The following ATP6V0A1 variants were observed in gnomAD, a reference collection of about 807,000 sequenced individuals.
ATP6V0A1 encodes the protein V-type proton ATPase 116 kDa subunit a 1.
A neutral mutation model predicts 105.4 loss-of-function variants in ATP6V0A1; 43 were observed. That is an observed-to-expected ratio of 0.41 (90% CI 0.32 to 0.53). The LOEUF is 0.53. ATP6V0A1 is among the 20% of genes least tolerant of loss of function. ATP6V0A1 has a pLI of 0.30. For missense variants in ATP6V0A1, 676 were observed against 1,051.1 expected, an observed-to-expected ratio of 0.64 and a Z score of 4.93; for synonymous variants, 362 against 372.8, an observed-to-expected ratio of 0.97 and a Z score of 0.33.
At position 42,495,129 on chromosome 17, in the gene ATP6V0A1, G is replaced by C; in HGVS notation, c.1410G>C (p.Lys470Asn). The stretch of plus-strand genomic sequence containing the variant: ...TCATCTACAATGATTGCTTTTCCAA[G>C]TCTCTTAATATCTTTGGGTCATCCT... ...TGLIYNDCFS[K>N]SLNIFGSSWS... The change falls in exon 13 of 22, where the codon AAG becomes AAC. Residue 470 changes from lysine (K) to asparagine (N), a missense_variant. Around this residue, in one of 3 missense-constraint regions of ATP6V0A1, gnomAD observed 435 missense variants for 642.2 expected, o/e 0.68. Transcript: ENST00000343619. 1 of 1,614,084 alleles carries C rather than the reference G, an allele frequency of 6.2e-7. No individual in the cohort carries two copies.
In ATP6V0A1 at chr17:42,494,456, CAGA is replaced by C. The variant is rs2090967660; in HGVS notation, c.1302_1304del (p.Lys434del). ...ACTGAGGGAGAGCCGGATCCTTTCC[CAGA>C]AGAATGAGAATGAGGTAATGTTTAA... is the stretch of plus-strand genomic sequence containing the variant. On this transcript the variant is annotated inframe_deletion, in exon 12 of 22. Coordinates refer to ENST00000343619, the MANE Select transcript of ATP6V0A1 (RefSeq NM_001130021.3). 1 of 1,612,592 alleles carries C rather than the reference CAGA, an allele frequency of 6.2e-7. No homozygotes were observed. Among genetic ancestry groups the C allele is most frequent in the African/African-American group, 1.3e-5 (1 of 74,844 alleles).
rs903937050 is a variant in ATP6V0A1 at position 42,494,617 on chromosome 17, G to A, written c.1314+144G>A. ...TTATGTTCATTTTAACACCAAAGAC[G>A]ACATGTGCAAGCTGGAAGTGGTAGT... On this transcript the variant is annotated intron_variant, in intron 12 of 21. Transcript: ENST00000343619. 5.1e-5 allele frequency: 52 copies of A among 1,023,042 alleles called. No individual in the cohort carries two copies. The East Asian group carries it at 6.4e-4, about 13-fold the overall frequency. 63.4% of individuals were successfully genotyped at this position (1,023,042 alleles called of 1,614,324 possible). A position where few individuals can be genotyped will look rare whatever the true frequency, so the allele number is the denominator to read the frequency against.
At chr17:42,482,351 T>TG (rs1397019546) in intron 8 of ATP6V0A1, among the ~76,000 whole-genome samples, 1 of 151,972 alleles carries the variant, frequency 6.6e-6, no homozygotes, top group Non-Finnish European at 1.5e-5. Flanking sequence ...TTCACCATGT[T>TG]GCTCAGGCTG....
intron 10 of ATP6V0A1, among the ~76,000 whole-genome samples, chr17:42,489,030 G>T (rs1207984956): frequency 6.8e-6 from 1 of 147,244 alleles, no homozygotes; most frequent in African/African-American, 2.5e-5. Flanking sequence ...AAAAAAAAAA[G>T]TGGGTCACCA....
intron 2 of ATP6V0A1, among the ~76,000 whole-genome samples, chr17:42,462,264 A>G (rs2086509105): frequency 6.6e-6 from 1 of 151,648 alleles, no homozygotes; most frequent in Non-Finnish European, 1.5e-5. Flanking sequence ...ATGACCACCT[A>G]TGTTTCTACT....
chr17:42,481,344 T>G (rs573028494), intron 8 of ATP6V0A1: 1 of 152,030 alleles, frequency 6.6e-6, no homozygotes, highest in Non-Finnish European at 1.5e-5. Context: ...GCCACCCGAG[T>G]AGTTGGGATT....
chr17:42,500,529 C>T (rs1010053668), intron 15 of ATP6V0A1, among the ~76,000 whole-genome samples, 178 bp from the exon 16 acceptor site: 1 of 152,102 alleles, frequency 6.6e-6, no homozygotes, highest in African/African-American at 2.4e-5. Context: ...AAAAGTTTGA[C>T]CGTGATAGTT....
At chr17:42,470,520 G>A (rs77942990) in intron 5 of ATP6V0A1, 8,170 of 249,818 alleles carry the variant, frequency 0.033, 186 homozygotes, top group Middle Eastern at 0.058. Context: ...TACTTATAAG[G>A]TAAGTATATG....
At chr17:42,462,253 A>C (rs982310783) in intron 2 of ATP6V0A1, among the ~76,000 whole-genome samples, 1 of 151,770 alleles carries the variant, frequency 6.6e-6, no homozygotes, top group Non-Finnish European at 1.5e-5. Flanking sequence ...GGAGTATTAT[A>C]ATGACCACCT....
chr17:42,480,816 A>G (rs150928934), intron 8 of ATP6V0A1, 67 bp downstream of exon 8: 6 of 1,424,028 alleles, frequency 4.2e-6, no homozygotes, highest in Non-Finnish European at 5.8e-6. Context: ...CTTAAAGTTC[A>G]CAATAGTGAA....
chr17:42,481,033 T>C, intron 8 of ATP6V0A1: 1 of 222,532 alleles, frequency 4.5e-6, no homozygotes, highest in East Asian at 1.2e-4. Flanking sequence ...GGGATTCTCC[T>C]GCCTCAGCCT....
At chr17:42,499,323 C>T (rs1201134026) in intron 15 of ATP6V0A1, among the ~76,000 whole-genome samples, 1 of 151,430 alleles carries the variant, frequency 6.6e-6, no homozygotes, top group African/African-American at 2.4e-5. Context: ...ATACAAAAAT[C>T]AGCCAGGTGT....
chr17:42,495,797 A>C, intron 14 of ATP6V0A1, 81 bp downstream of exon 14: 1 of 1,258,846 alleles, frequency 7.9e-7, no homozygotes, highest in Non-Finnish European at 1.1e-6. Flanking sequence ...ATGAAGATAA[A>C]TAGTTATGTG....
chr17:42,480,272 G>A (rs998722442), intron 7 of ATP6V0A1: 1 of 153,332 alleles, frequency 6.5e-6, no homozygotes, highest in African/African-American at 2.4e-5. Context: ...TAGTTATTCA[G>A]CCCCTTTTAT....
intron 6 of ATP6V0A1, 38 bp from the exon 7 acceptor site, chr17:42,478,425 A>G (rs2089039415): frequency 5.4e-6 from 8 of 1,492,114 alleles, no homozygotes; most frequent in Non-Finnish European, 5.4e-6. Context: ...ATCCCATGAC[A>G]TGGAATAGAG....
At chr17:42,486,713 C>T (rs1307409165) in intron 9 of ATP6V0A1, among the ~76,000 whole-genome samples, 1 of 152,028 alleles carries the variant, frequency 6.6e-6, no homozygotes, top group African/African-American at 2.4e-5. Flanking sequence ...TGGTATTCAG[C>T]ACTGCCTCTT....
intron 18 of ATP6V0A1, 71 bp downstream of exon 18, chr17:42,507,698 C>A (rs1407414618): frequency 1.6e-6 from 2 of 1,225,076 alleles, no homozygotes; most frequent in South Asian, 1.2e-5. Context: ...ACCTAAGAGG[C>A]CTCACTCCAG....
chr17:42,504,389 C>T (rs947411895), intron 17 of ATP6V0A1, among the ~76,000 whole-genome samples: 2 of 152,130 alleles, frequency 1.3e-5, no homozygotes, highest in Admixed American at 6.5e-5. Context: ...GAGATTTAAC[C>T]TGTCTGCTCC....
At chr17:42,496,965 A>G (rs1421830421) in intron 14 of ATP6V0A1, among the ~76,000 whole-genome samples, 2 of 152,112 alleles carry the variant, frequency 1.3e-5, no homozygotes, top group Non-Finnish European at 2.9e-5. Flanking sequence ...GGAAAGATGG[A>G]AGGAGAACCT....
Sources: allele counts gnomAD v4.1 joint callset (sites outside exome capture counted in the v4.1 genomes callset), GRCh38; gene constraint gnomAD v4.1.1; regional missense constraint gnomAD v4.1.1; transcripts MANE v1.5; gene names NCBI Gene and HGNC (gene_info 2026-07-23, HGNC 2026-07-21).